SLC27A3: variants seen among roughly 807,000 people sequenced by gnomAD.
SLC27A3 encodes solute carrier family 27 member 3, also known as long-chain fatty acid transport protein 3.
SLC27A3 carries 60 observed loss-of-function variants against 60.1 expected under a neutral mutation model. The ratio of observed to expected loss-of-function variants is 1.00; its 90% confidence interval spans 0.81 to 1.24. SLC27A3 has a LOEUF of 1.24. SLC27A3 is among the 50% of genes most tolerant of loss of function. SLC27A3 has a pLI of 0.00. For synonymous variants in SLC27A3, 455 were observed against 409.0 expected, an observed-to-expected ratio of 1.11 and a Z score of -1.36; for missense variants, 1,079 against 929.9, an observed-to-expected ratio of 1.16 and a Z score of -2.09.
At position 153,778,880 on chromosome 1, in the gene SLC27A3, C is replaced by T. The variant is rs774209246; in HGVS notation, c.1641C>T (p.Thr547=). 1.2e-6 allele frequency: 2 copies of T among 1,613,988 alleles called. No individual in the cohort carries two copies. The highest frequency in any genetic ancestry group is 1.1e-5 in the South Asian group (1 of 91,086). The stretch of plus-strand genomic sequence containing the variant: ...GCTTCCATGATCGTACTGGAGACAC[C>T]TTCAGGTATCTGTCCATAACTGGTT... ...FLRFHDRTGD[T]FRWKGENVAT... is the part of the protein sequence containing the mutation. The change falls in exon 7 of 10, where the codon ACC becomes ACT. Residue 547 remains threonine, a synonymous_variant. Transcript: ENST00000624995.
At position 153,777,215 on chromosome 1, in the gene SLC27A3, G is replaced by C; in HGVS notation, c.1031G>C (p.Gly344Ala). The change falls in exon 3 of 10, where the codon GGC (glycine) becomes GCC (alanine). Residue 344 changes from glycine to alanine, a missense_variant. Coordinates refer to ENST00000624995, the MANE Select transcript of SLC27A3 (RefSeq NM_024330.4). ...CTGCTGGGCATCGTGGGCTGCATGG[G>C]CATTGGTCAGTCTCCCCAACCCCAC... is the stretch of plus-strand genomic sequence containing the variant. ...GSLLGIVGCM[G>A]IGATVVLKSK... The C allele has an allele frequency of 6.2e-7, 1 of 1,614,210 alleles. No individual in the cohort carries two copies. The highest frequency in any genetic ancestry group is 2.2e-5 in the East Asian group (1 of 44,894).
At chr1:153,776,960 G>A in intron 2 of SLC27A3, 102 bp from the exon 3 acceptor site, 1 of 1,329,626 alleles carries the variant, frequency 7.5e-7, no homozygotes. Context: ...CTTCTGTCCT[G>A]CCTCCGCCTC....
chr1:153,780,114 G>C lies in SLC27A3; in HGVS notation c.*112G>C. ...ATACCAGAACTGCGGTCACTATTTT[G>C]TAATAAATGTGGCTGGAGCTGATCC... On this transcript the variant is annotated 3_prime_UTR_variant, in exon 10 of 10. Transcript: ENST00000624995. 1.1e-6 allele frequency: 1 copy of C among 937,738 alleles called. No homozygotes were observed. The highest frequency in any genetic ancestry group is 1.7e-5 in the South Asian group (1 of 59,174). 58.1% of individuals were successfully genotyped at this position (937,738 alleles called of 1,614,324 possible).
chr1:153,779,237 G>A (rs752744893), intron 8 of SLC27A3, 26 bp downstream of exon 8: 3 of 1,613,330 alleles, frequency 1.9e-6, no homozygotes, highest in South Asian at 1.1e-5. Flanking sequence ...AGGTGGGGGA[G>A]GCACCCAGCC....
In SLC27A3 at chr1:153,778,793, GC is replaced by G; in HGVS notation, c.1556del (p.Pro519LeufsTer49). On this transcript the variant is annotated frameshift_variant, in exon 7 of 10. Coordinates refer to ENST00000624995, the MANE Select transcript of SLC27A3 (RefSeq NM_024330.4). LOFTEE classifies it high-confidence loss of function. ...QGKLLKDVFR[P>X]GDVFFNTGDL... ...GGAAGTTGCTAAAGGATGTCTTCCG[GC>G]CTGGGGATGTTTTCTTCAACACTGG... The G allele has an allele frequency of 6.2e-7, 1 of 1,614,120 alleles. No individual in the cohort carries two copies. Among genetic ancestry groups the G allele is most frequent in the South Asian group, 1.1e-5 (1 of 91,082 alleles).
At chr1:153,779,673 C>T in intron 9 of SLC27A3, 153 bp from the exon 10 acceptor site, 1 of 896,420 alleles carries the variant, frequency 1.1e-6, no homozygotes, top group African/African-American at 1.7e-5. Flanking sequence ...TTCTTCTGGC[C>T]TGGCTCTTTC....
chr1:153,778,302 A>G lies in SLC27A3; in HGVS notation c.1303A>G (p.Ile435Val), dbSNP rs758614499. ...YGLTEGNVATINYTGQRGAVG... is the reference protein window; with the variant it reads ...YGLTEGNVATVNYTGQRGAVG... ...ACTGACAGAGGGCAACGTGGCCACC[A>G]TCAACTACACAGGACAGCGGGGCGC... is the stretch of plus-strand genomic sequence containing the variant. The change falls in exon 5 of 10, where the codon ATC (isoleucine) becomes GTC (valine). Residue 435 changes from isoleucine to valine, a missense_variant. Transcript: ENST00000624995. 2 of 1,613,990 alleles carry G rather than the reference A, an allele frequency of 1.2e-6. No individual in the cohort carries two copies.
At chr1:153,777,738 T>TC (rs3841381) in intron 3 of SLC27A3, 23 bp from the exon 4 acceptor site, 4 of 1,612,860 alleles carry the variant, frequency 2.5e-6, no homozygotes, top group Admixed American at 1.7e-5. Flanking sequence ...CCTCCCTTCT[T>TC]CCCCCCTGCC....
chr1:153,779,717 C>A, intron 9 of SLC27A3, 109 bp from the exon 10 acceptor site: 1 of 1,141,568 alleles, frequency 8.8e-7, no homozygotes. Context: ...AAACCTTGAC[C>A]TCACACTCCC....
Position 153,775,862 on chromosome 1 carries a change from G to A in SLC27A3, c.365G>A (p.Ser122Asn). Residue 122 changes from serine (S) to asparagine (N), a missense_variant, in exon 1 of 10, where the codon AGC (serine) becomes AAC (asparagine). By Grantham distance (46) the Ser-to-Asn change is conservative. Transcript: ENST00000624995. ...GWDWGPDGGD[S>N]GEGSAGEGER... is the part of the protein sequence containing the mutation. ...GACTGGGGACCCGACGGCGGCGACA[G>A]CGGCGAGGGGAGCGCTGGAGAAGGC... The A allele has an allele frequency of 6.7e-7, 1 of 1,492,928 alleles. No homozygotes were observed. The highest frequency in any genetic ancestry group is 2.4e-5 in the Admixed American group (1 of 41,078). 92.5% of individuals were successfully genotyped at this position (1,492,928 alleles called of 1,614,324 possible). A position where few individuals can be genotyped will look rare whatever the true frequency, so the allele number is the denominator to read the frequency against.
chr1:153,776,222 G>A (rs1240682896), intron 1 of SLC27A3, 58 bp downstream of exon 1: 9 of 1,402,646 alleles, frequency 6.4e-6, no homozygotes, highest in East Asian at 2.7e-5. Context: ...GGGGCGTGTC[G>A]GAGACCACAG....
At position 153,775,818 on chromosome 1, in the gene SLC27A3, C is replaced by T; in HGVS notation, c.321C>T (p.Phe107=). The part of the protein sequence containing the change: ...ERESNRAARA[F]LRALGWDWGP... ...AGAGTAACAGGGCTGCACGCGCCTT[C>T]CTACGTGCGCTAGGCTGGGACTGGG... Residue 107 remains phenylalanine, a synonymous_variant, in exon 1 of 10, where the codon TTC becomes TTT. Transcript: ENST00000624995. 1.3e-6 allele frequency: 2 copies of T among 1,495,482 alleles called. No homozygotes were observed. The highest frequency in any genetic ancestry group is 1.8e-6 in the Non-Finnish European group (2 of 1,126,886). 92.6% of individuals were successfully genotyped at this position (1,495,482 alleles called of 1,614,324 possible).
chr1:153,776,071 C>G lies in SLC27A3; in HGVS notation c.574C>G (p.Leu192Val), dbSNP rs528841427. Residue 192 changes from leucine (L) to valine (V), a missense_variant, in exon 1 of 10, where the codon CTG (leucine) becomes GTG (valine). Leu to Val is a conservative substitution (Grantham distance 32, BLOSUM62 1). Transcript: ENST00000624995. ...CTGGTTCGGGCTGGCCAAGGCCGGCCTGCGCACTGCCTTTGTGCCCACCGC... is the reference window on the plus strand; with the variant it reads ...CTGGTTCGGGCTGGCCAAGGCCGGCGTGCGCACTGCCTTTGTGCCCACCGC... The part of the protein sequence containing the change: ...WLWFGLAKAG[L>V]RTAFVPTALR... 36 of 1,476,292 alleles carry G rather than the reference C, an allele frequency of 2.4e-5. No individual in the cohort carries two copies. The highest frequency in any genetic ancestry group is 3.2e-5 in the Non-Finnish European group (36 of 1,125,430). The allele number at this position is 1,476,292 out of a possible 1,614,324, so 91.4% of individuals were successfully genotyped here. A position where few individuals can be genotyped will look rare whatever the true frequency, so the allele number is the denominator to read the frequency against.
intron 3 of SLC27A3, 192 bp downstream of exon 3, chr1:153,777,412 T>TA: frequency 1.5e-6 from 1 of 688,262 alleles, no homozygotes; most frequent in Non-Finnish European, 2.4e-6. Context: ...AGGGGGGCCA[T>TA]ACAGCCACAT....
chr1:153,775,761 G>A lies in SLC27A3; in HGVS notation c.264G>A (p.Ser88=), dbSNP rs200428997. ...RAAHTFLIHG[S]RRFSYSEAER... is the part of the protein sequence containing the mutation. ...CGCACACCTTTCTCATTCACGGCTC[G>A]CGGCGCTTTAGCTACTCAGAGGCGG... The change falls in exon 1 of 10, where the codon TCG becomes TCA. Residue 88 remains serine (S), a synonymous_variant. Coordinates refer to ENST00000624995, the MANE Select transcript of SLC27A3 (RefSeq NM_024330.4). 3.4e-6 allele frequency: 5 copies of A among 1,480,072 alleles called. No individual in the cohort carries two copies. Among genetic ancestry groups the A allele is most frequent in the Non-Finnish European group, 4.5e-6 (5 of 1,123,150 alleles). 91.7% of individuals were successfully genotyped at this position (1,480,072 alleles called of 1,614,324 possible).
chr1:153,776,785 C>G (rs765657882), intron 2 of SLC27A3, 58 bp downstream of exon 2: 5 of 1,542,190 alleles, frequency 3.2e-6, no homozygotes, highest in Non-Finnish European at 4.5e-6. Flanking sequence ...AGGCAGGGGT[C>G]TGCTCCCAGA....
In SLC27A3 at chr1:153,775,486, GA is replaced by G; in HGVS notation, c.-10del. On this transcript the variant is annotated 5_prime_UTR_variant, in exon 1 of 10. Transcript: ENST00000624995. ...CTGGAACCAGACGGTGCCGATAGAGGAAGCGGGCTCCATGGCTGCCCTCCTG... is the reference window on the plus strand; with the variant it reads ...CTGGAACCAGACGGTGCCGATAGAGGAGCGGGCTCCATGGCTGCCCTCCTG... 1 of 1,613,316 alleles carries G rather than the reference GA, an allele frequency of 6.2e-7. No individual in the cohort carries two copies. Among genetic ancestry groups the G allele is most frequent in the Middle Eastern group, 1.6e-4 (1 of 6,062 alleles).
At chr1:153,778,075 G>A in intron 4 of SLC27A3, 86 bp from the exon 5 acceptor site, 8 of 1,514,086 alleles carry the variant, frequency 5.3e-6, no homozygotes, top group Non-Finnish European at 7.1e-6. Context: ...AGTAGGAGGG[G>A]GTTCTGGGGA....
chr1:153,778,608 G>A, intron 6 of SLC27A3, 55 bp downstream of exon 6: 1 of 1,609,104 alleles, frequency 6.2e-7, no homozygotes, highest in Non-Finnish European at 8.5e-7. Flanking sequence ...CAGGAGGACT[G>A]GAATTGGAGA....
Sources: gnomAD v4.1 joint callset for allele counts on GRCh38, gnomAD v4.1.1 for gene constraint, MANE v1.5 for transcripts, NCBI Gene and HGNC (gene_info 2026-07-23, HGNC 2026-07-21) for gene names.